Variants in TIMMDC1 observed in about 807,000 individuals in gnomAD.
The protein encoded by TIMMDC1 is translocase of inner mitochondrial membrane domain containing 1.
A neutral mutation model predicts 32.6 loss-of-function variants in TIMMDC1; 25 were observed. The observed-to-expected ratio is 0.77, with a 90% CI of 0.56 to 1.07. The LOEUF is 1.07. Ranked by LOEUF, TIMMDC1 falls within the 50% of genes least tolerant of loss-of-function variation. The pLI, the probability that TIMMDC1 is intolerant of heterozygous loss-of-function variation, is 0.00. For missense variants in TIMMDC1, 329 were observed against 349.2 expected (o/e 0.94, Z 0.46); for synonymous variants, 130 against 127.6 (o/e 1.02, Z -0.13).
intron 3 of TIMMDC1, among the ~76,000 whole-genome samples, 158 bp from the exon 4 acceptor site, chr3:119,503,796 A>G (rs893710935): frequency 6.6e-6 from 1 of 151,368 alleles, no homozygotes; most frequent in Admixed American, 6.6e-5. Flanking sequence ...TTATGGTTTT[A>G]CAACCATGTC....
At chr3:119,508,423 T>C (rs2081932037) in intron 4 of TIMMDC1, among the ~76,000 whole-genome samples, 1 of 152,268 alleles carries the variant, frequency 6.6e-6, no homozygotes, top group South Asian at 2.1e-4. Flanking sequence ...CTCACTTCTT[T>C]GGTGGATCTA....
At chr3:119,505,066 G>A (rs1377184040) in intron 4 of TIMMDC1, among the ~76,000 whole-genome samples, 2 of 138,998 alleles carry the variant, frequency 1.4e-5, no homozygotes, top group African/African-American at 5.5e-5. Context: ...CAACAAGAGT[G>A]AAACTCTTGT....
chr3:119,505,510 C>T (rs2081912590), intron 4 of TIMMDC1, among the ~76,000 whole-genome samples: 1 of 152,116 alleles, frequency 6.6e-6, no homozygotes. Flanking sequence ...GGATTACAGG[C>T]ATGCGCCACC....
chr3:119,510,080 C>T (rs2081943659), intron 4 of TIMMDC1, among the ~76,000 whole-genome samples: 1 of 151,898 alleles, frequency 6.6e-6, no homozygotes, highest in Non-Finnish European at 1.5e-5. Flanking sequence ...AATATATTAA[C>T]ACAGAAGGGG....
At chr3:119,515,224 A>G (rs2081978137) in intron 5 of TIMMDC1, among the ~76,000 whole-genome samples, 1 of 148,966 alleles carries the variant, frequency 6.7e-6, no homozygotes, top group African/African-American at 2.5e-5. Flanking sequence ...AAAAAAAAAA[A>G]AGAGGAAAAA....
At chr3:119,523,550 T>A in intron 6 of TIMMDC1, 56 bp from the exon 7 acceptor site, 1 of 1,473,776 alleles carries the variant, frequency 6.8e-7, no homozygotes, top group African/African-American at 1.4e-5. Context: ...GTTTTAAATC[T>A]GTAAGAACTA....
chr3:119,499,250 C>T (rs2081849871), intron 1 of TIMMDC1, among the ~76,000 whole-genome samples: 2 of 150,594 alleles, frequency 1.3e-5, no homozygotes, highest in South Asian at 2.1e-4. Flanking sequence ...CGCACCACCA[C>T]GCCCGGCTAA....
Position 119,500,870 on chromosome 3 carries a change from G to C in TIMMDC1, c.360+10G>C, listed in dbSNP as rs769986359. 14 of 1,603,800 alleles carry C rather than the reference G, an allele frequency of 8.7e-6. No homozygotes were observed. The highest frequency in any genetic ancestry group is 1.7e-5 in the Admixed American group (1 of 58,046). On this transcript the variant is annotated intron_variant, in intron 2 of 6. Coordinates refer to ENST00000494664, the MANE Select transcript of TIMMDC1 (RefSeq NM_016589.4). ...CCGGTTTGATGCTGTGGTATGTACT[G>C]GTGATCTAAAGAAATTTGGGGCACA...
intron 6 of TIMMDC1, among the ~76,000 whole-genome samples, chr3:119,520,015 G>C (rs1346729515): frequency 1.3e-5 from 2 of 151,940 alleles, no homozygotes. Context: ...CAACCAATAG[G>C]TCAATGAAAA....
chr3:119,521,713 C>T (rs1304498027), intron 6 of TIMMDC1, among the ~76,000 whole-genome samples: 6 of 149,008 alleles, frequency 4.0e-5, no homozygotes, highest in South Asian at 2.1e-4. Context: ...AAAAAGTGGG[C>T]GGGGGAGCTT....
At chr3:119,500,968 A>G (rs2081870314) in intron 2 of TIMMDC1, 108 bp downstream of exon 2, 8 of 1,135,406 alleles carry the variant, frequency 7.0e-6, no homozygotes, top group Non-Finnish European at 1.0e-5. Context: ...TTAAGGTGTC[A>G]GAGTAAAGAA....
At chr3:119,502,695 A>G (rs1372356891) in intron 2 of TIMMDC1, among the ~76,000 whole-genome samples, 3 of 151,370 alleles carry the variant, frequency 2.0e-5, no homozygotes, top group Admixed American at 6.6e-5. Flanking sequence ...AGTAGCTAGG[A>G]CTGCAAACAC....
chr3:119,516,834 AT>A (rs2081987621), intron 5 of TIMMDC1, among the ~76,000 whole-genome samples: 1 of 152,148 alleles, frequency 6.6e-6, no homozygotes. Flanking sequence ...TGAACTAGAA[AT>A]TTCATTTTTG....
chr3:119,517,351 T>G (rs528117690), intron 6 of TIMMDC1, 36 bp downstream of exon 6: 28 of 1,409,878 alleles, frequency 2.0e-5, no homozygotes, highest in Non-Finnish European at 2.7e-5. Flanking sequence ...ATCTTGGCTC[T>G]CTTGCCCCAG....
intron 5 of TIMMDC1, 86 bp downstream of exon 5, chr3:119,513,805 A>G (rs534966792): frequency 2.3e-6 from 2 of 855,924 alleles, no homozygotes; most frequent in Non-Finnish European, 3.6e-6. Context: ...TTTTCAAAGA[A>G]CAAATTTAAT....
At chr3:119,505,726 A>G (rs1012424564) in intron 4 of TIMMDC1, among the ~76,000 whole-genome samples, 10 of 152,212 alleles carry the variant, frequency 6.6e-5, no homozygotes, top group African/African-American at 2.2e-4. Flanking sequence ...TTGCAAAATA[A>G]AAATAATACA....
At position 119,515,228 on chromosome 3, in the gene TIMMDC1, G is replaced by T. The variant is rs936193924; in HGVS notation, c.596+1509G>T. 3.3e-5 allele frequency among the ~76,000 whole-genome samples: 5 copies of T among 150,330 alleles called. No homozygotes were observed. In the South Asian group the frequency reaches 6.3e-4, roughly 19 times the overall value. ...CATCTCAAAAAAAAAAAAAAAAAGAGGAAAAACTAAAAAAGAATTTACTTC... is the reference window on the plus strand; with the variant it reads ...CATCTCAAAAAAAAAAAAAAAAAGATGAAAAACTAAAAAAGAATTTACTTC... On this transcript the variant is annotated intron_variant, in intron 5 of 6. Coordinates refer to ENST00000494664, the MANE Select transcript of TIMMDC1 (RefSeq NM_016589.4).
chr3:119,514,789 C>T (rs1179588064), intron 5 of TIMMDC1, among the ~76,000 whole-genome samples: 2 of 152,182 alleles, frequency 1.3e-5, no homozygotes, highest in Non-Finnish European at 2.9e-5. Flanking sequence ...GGTTTCCCTG[C>T]TCAAGATTTT....
At position 119,515,208 on chromosome 3, in the gene TIMMDC1, CAAA is replaced by C. The variant is rs35275676; in HGVS notation, c.596+1504_596+1506del. On this transcript the variant is annotated intron_variant, in intron 5 of 6. Transcript: ENST00000494664. ...TGGGCAACAGAGTAAGACTCCATCT[CAAA>C]AAAAAAAAAAAAAAGAGGAAAAACT... is the stretch of plus-strand genomic sequence containing the variant. 2.9e-3 allele frequency among the ~76,000 whole-genome samples: 367 copies of C among 126,266 alleles called. 1 individual carries two copies. The highest frequency in any genetic ancestry group is 9.3e-3 in the African/African-American group (330 of 35,316). 82.8% of individuals were successfully genotyped at this position (126,266 alleles called of 152,430 possible).
Sources: allele counts gnomAD v4.1 joint callset (sites outside exome capture counted in the v4.1 genomes callset), GRCh38; gene constraint gnomAD v4.1.1; transcripts MANE v1.5; gene names NCBI Gene and HGNC (gene_info 2026-07-23, HGNC 2026-07-21).